The following LINC00305 variants were observed in gnomAD, a reference collection of about 807,000 sequenced individuals.
LINC00305 encodes long independently transcribed non-coding RNA 305, also known as long intergenic non-protein coding RNA 305.
intron 1 of LINC00305, among the ~76,000 whole-genome samples, chr18:64,117,681 C>T (rs538791740): frequency 3.9e-5 from 6 of 152,214 alleles, no homozygotes; most frequent in African/African-American, 1.2e-4. Flanking sequence ...AACCTTTTAC[C>T]CCACTGGTTC....
At chr18:64,127,717 C>A (rs1480352483) in intron 1 of LINC00305, among the ~76,000 whole-genome samples, 1 of 152,032 alleles carries the variant, frequency 6.6e-6, no homozygotes, top group African/African-American at 2.4e-5. Context: ...CCCAATGGAC[C>A]CAATCTCTGT....
At chr18:64,115,498 A>AGGAGGGGGAACGTGAGGGTGTC in intron 1 of LINC00305, among the ~76,000 whole-genome samples, 1 of 152,070 alleles carries the variant, frequency 6.6e-6, no homozygotes, top group Admixed American at 6.5e-5. Context: ...GGGGTAAGGT[A>AGGAGGGGGAACGTGAGGGTGTC]GGAGGGGGAA....
chr18:64,141,031 G>A (rs1265060442), intron 1 of LINC00305, among the ~76,000 whole-genome samples: 4 of 125,688 alleles, frequency 3.2e-5, no homozygotes, highest in Admixed American at 2.0e-4. Context: ...ACCAAATTCT[G>A]CCGATAATCA....
intron 1 of LINC00305, among the ~76,000 whole-genome samples, chr18:64,129,001 G>A (rs1297003601): frequency 6.6e-6 from 1 of 152,000 alleles, no homozygotes; most frequent in Non-Finnish European, 1.5e-5. Flanking sequence ...TGGTTGCTTT[G>A]GATCTTTTAT....
At chr18:64,096,939 AT>A (rs980486847) in intron 3 of LINC00305, among the ~76,000 whole-genome samples, 1 of 151,910 alleles carries the variant, frequency 6.6e-6, no homozygotes, top group Non-Finnish European at 1.5e-5. Flanking sequence ...GAGGAATAAT[AT>A]TTTTATATAA....
At chr18:64,145,485 C>G (rs973565687) in intron 1 of LINC00305, among the ~76,000 whole-genome samples, 5 of 152,190 alleles carry the variant, frequency 3.3e-5, no homozygotes, top group African/African-American at 1.2e-4. Context: ...TTGTGTGTGT[C>G]TATTATTTCT....
At chr18:64,080,299 A>G in exon 4 of LINC00305, 1 of 457,282 alleles carries the variant, frequency 2.2e-6, no homozygotes, top group Non-Finnish European at 4.4e-6. Flanking sequence ...AACGTCATCC[A>G]GCTTAGTGAT....
rs2051208424 is a variant in LINC00305, at chr18:64,087,655, G to A, written n.541-7253C>T. ...ATAAAATATATAGGGAACATTCTGGGGTATAGAAAAATATACGATTGCTTT... is the reference window on the plus strand; with the variant it reads ...ATAAAATATATAGGGAACATTCTGGAGTATAGAAAAATATACGATTGCTTT... On this transcript the variant is annotated intron_variant and non_coding_transcript_variant, in intron 3 of 3. Transcript: ENST00000666468. 2.6e-5 allele frequency among the ~76,000 whole-genome samples: 4 copies of A among 151,886 alleles called. 1 individual carries two copies. The South Asian group carries it at 6.2e-4, about 24-fold the overall frequency.
At chr18:64,087,259 TA>T (rs1407634313) in intron 3 of LINC00305, among the ~76,000 whole-genome samples, 2 of 152,116 alleles carry the variant, frequency 1.3e-5, no homozygotes, top group Admixed American at 6.5e-5. Context: ...AAAAAAGAGC[TA>T]AAAAATGGGG....
intron 1 of LINC00305, among the ~76,000 whole-genome samples, chr18:64,129,404 A>G (rs990327389): frequency 2.6e-5 from 4 of 152,128 alleles, no homozygotes; most frequent in Non-Finnish European, 4.4e-5. Context: ...TTAAAAAATC[A>G]TACCTAAATG....
At chr18:64,096,236 A>G (rs1429902671) in intron 3 of LINC00305, among the ~76,000 whole-genome samples, 1 of 152,004 alleles carries the variant, frequency 6.6e-6, no homozygotes, top group Non-Finnish European at 1.5e-5. Context: ...ACTCTTAGAT[A>G]CAAAGACTCA....
chr18:64,100,001 T>C (rs1397920631), intron 1 of LINC00305, among the ~76,000 whole-genome samples: 1 of 152,214 alleles, frequency 6.6e-6, no homozygotes, highest in Non-Finnish European at 1.5e-5. Context: ...AGTTTGCAAC[T>C]GAATTAGTAG....
At chr18:64,135,769 A>G (rs1430812231) in intron 1 of LINC00305, among the ~76,000 whole-genome samples, 1 of 151,984 alleles carries the variant, frequency 6.6e-6, no homozygotes, top group Non-Finnish European at 1.5e-5. Context: ...TATTTTTAGT[A>G]GAGACAGGTT....
intron 1 of LINC00305, among the ~76,000 whole-genome samples, chr18:64,136,048 G>A (rs2051432061): frequency 6.6e-6 from 1 of 152,216 alleles, no homozygotes; most frequent in Non-Finnish European, 1.5e-5. Flanking sequence ...TGCTTACCCA[G>A]ACTACCCCTT....
At position 64,116,953 on chromosome 18, in the gene LINC00305, C is replaced by G. The variant is rs139149604; in HGVS notation, n.315-18313G>C. Among the ~76,000 whole-genome samples the G allele has an allele frequency of 4.2e-3, 642 of 152,244 alleles. 4 individuals carry two copies. The highest frequency in any genetic ancestry group is 0.014 in the African/African-American group (592 of 41,530). On this transcript the variant is annotated intron_variant and non_coding_transcript_variant, in intron 1 of 3. Coordinates refer to ENST00000666468, the Ensembl canonical transcript of LINC00305. The stretch of plus-strand genomic sequence containing the variant: ...ACCTCACTCCTTCATTAAAACAAAG[C>G]CAAACAAAATTCACACAACGGCATT...
rs577537181 is a variant in LINC00305, at chr18:64,135,295, G to C, written n.314+13480C>G. ...CTCCAAAATAAGGTAACATCCTAAG[G>C]CTCCAGACATTAGGACTCCAGCATG... is the stretch of plus-strand genomic sequence containing the variant. On this transcript the variant is annotated intron_variant and non_coding_transcript_variant, in intron 1 of 3. Coordinates refer to ENST00000666468, the Ensembl canonical transcript of LINC00305. 2.3e-3 allele frequency among the ~76,000 whole-genome samples: 347 copies of C among 152,246 alleles called. 2 individuals carry two copies. Among genetic ancestry groups the C allele is most frequent in the Admixed American group, 5.5e-3 (84 of 15,284 alleles).
intron 1 of LINC00305, among the ~76,000 whole-genome samples, chr18:64,145,216 C>T (rs1221933231): frequency 6.6e-6 from 1 of 152,198 alleles, no homozygotes; most frequent in African/African-American, 2.4e-5. Flanking sequence ...TACTGATGCA[C>T]ACACTATATT....
intron 1 of LINC00305, among the ~76,000 whole-genome samples, chr18:64,144,386 A>G (rs2051486704): frequency 6.6e-6 from 1 of 152,204 alleles, no homozygotes; most frequent in South Asian, 2.1e-4. Flanking sequence ...GGAATTAAGG[A>G]AAAAGCAGGA....
At chr18:64,082,361 A>G (rs149209870) in intron 3 of LINC00305, among the ~76,000 whole-genome samples, 181 of 152,156 alleles carry the variant, frequency 1.2e-3, no homozygotes, top group African/African-American at 4.2e-3. Flanking sequence ...TGGCCCAACC[A>G]ATCAGCACTC....
Sources: gnomAD v4.1 joint callset for allele counts (sites outside exome capture counted in the v4.1 genomes callset) on GRCh38, gnomAD v4.1.1 for gene constraint, MANE v1.5 for transcripts, NCBI Gene and HGNC (gene_info 2026-07-23, HGNC 2026-07-21) for gene names.